SYNDIG1: variants seen among roughly 807,000 people sequenced by gnomAD.
SYNDIG1 encodes synapse differentiation inducing 1.
A neutral mutation model predicts 19.4 loss-of-function variants in SYNDIG1; 9 were observed. The ratio of observed to expected loss-of-function variants is 0.46; its 90% CI spans 0.28 to 0.81. SYNDIG1 has a LOEUF of 0.81. Among genes scored for constraint, SYNDIG1 ranks in the 30% least tolerant of loss-of-function variants. The pLI, the probability that SYNDIG1 is intolerant of heterozygous loss-of-function variation, is 0.12. For missense variants in SYNDIG1, 311 were observed against 343.3 expected (o/e 0.91, Z 0.74); for synonymous variants, 141 against 145.9 (o/e 0.97, Z 0.24).
At chr20:24,557,301 G>A (rs961516740) in intron 2 of SYNDIG1, among the ~76,000 whole-genome samples, 39 of 152,070 alleles carry the variant, frequency 2.6e-4, no homozygotes, top group Admixed American at 1.0e-3. Flanking sequence ...TTCTTCTCTC[G>A]ACTCGTCAAA....
intron 3 of SYNDIG1, among the ~76,000 whole-genome samples, chr20:24,635,297 T>A (rs1210125892): frequency 6.6e-6 from 1 of 152,184 alleles, no homozygotes; most frequent in African/African-American, 2.4e-5. Flanking sequence ...GCTAACTTTT[T>A]ATTTCTACAC....
chr20:24,641,669 G>T (rs563891185), intron 3 of SYNDIG1, among the ~76,000 whole-genome samples: 40 of 152,086 alleles, frequency 2.6e-4, no homozygotes, highest in Admixed American at 7.2e-4. Context: ...TAACATACGT[G>T]CTAGACTTGA....
intron 1 of SYNDIG1, among the ~76,000 whole-genome samples, chr20:24,481,502 A>G (rs1027456680): frequency 2.6e-5 from 4 of 152,200 alleles, no homozygotes; most frequent in Non-Finnish European, 4.4e-5. Context: ...CATGGTCAAG[A>G]CTGCACGATC....
intron 2 of SYNDIG1, among the ~76,000 whole-genome samples, chr20:24,583,365 G>T (rs2058361557): frequency 6.6e-6 from 1 of 152,208 alleles, no homozygotes; most frequent in Admixed American, 6.5e-5. Flanking sequence ...GCCATGCACT[G>T]CCAGTCATTC....
At chr20:24,508,612 GAACA>G (rs998820086) in intron 1 of SYNDIG1, among the ~76,000 whole-genome samples, 1 of 152,070 alleles carries the variant, frequency 6.6e-6, no homozygotes, top group African/African-American at 2.4e-5. Context: ...ACGTTTAAAT[GAACA>G]AACAAAAAAA....
intron 1 of SYNDIG1, among the ~76,000 whole-genome samples, chr20:24,486,947 G>A (rs912000384): frequency 6.6e-6 from 1 of 152,148 alleles, no homozygotes; most frequent in African/African-American, 2.4e-5. Flanking sequence ...GTGAGCCGCC[G>A]TGCGCAGCCG....
At chr20:24,481,359 G>C (rs1475011942) in intron 1 of SYNDIG1, among the ~76,000 whole-genome samples, 1 of 152,112 alleles carries the variant, frequency 6.6e-6, no homozygotes, top group Non-Finnish European at 1.5e-5. Flanking sequence ...TGGAGTCCTT[G>C]CCCAGGTTGG....
intron 1 of SYNDIG1, among the ~76,000 whole-genome samples, chr20:24,489,236 ACATGCACACACACAGACACACATG>A (rs1336328206): frequency 6.6e-6 from 1 of 152,176 alleles, no homozygotes; most frequent in Non-Finnish European, 1.5e-5. Flanking sequence ...ACATGTAGAT[ACATGCACACACACAGACACACATG>A]CATGCACACA....
At chr20:24,665,197 G>T in intron 3 of SYNDIG1, 149 bp from the exon 4 acceptor site, 1 of 941,052 alleles carries the variant, frequency 1.1e-6, no homozygotes, top group Non-Finnish European at 1.6e-6. Flanking sequence ...AACTGCCCTG[G>T]TCATAGCAGG....
intron 2 of SYNDIG1, among the ~76,000 whole-genome samples, chr20:24,583,255 A>G (rs898518757): frequency 2.0e-5 from 3 of 152,246 alleles, no homozygotes; most frequent in Non-Finnish European, 4.4e-5. Flanking sequence ...GCGGGCTCGC[A>G]GCCACGCAAG....
chr20:24,495,683 C>T, intron 1 of SYNDIG1: 1 of 152,208 alleles, frequency 6.6e-6, no homozygotes, highest in East Asian at 1.9e-4. Context: ...GCTAGGACTT[C>T]ACTCTCTTCA....
chr20:24,629,319 G>A (rs528744189), intron 3 of SYNDIG1, among the ~76,000 whole-genome samples: 72 of 152,282 alleles, frequency 4.7e-4, no homozygotes, highest in African/African-American at 1.7e-3. Flanking sequence ...CTGCCCTTGG[G>A]GAGACTTCCT....
intron 3 of SYNDIG1, among the ~76,000 whole-genome samples, chr20:24,644,609 T>A (rs150146610): frequency 0.018 from 2,700 of 152,342 alleles, 45 homozygotes; most frequent in Admixed American, 0.031. Flanking sequence ...GAGACCTCCA[T>A]GCTGTGGGGA....
chr20:24,609,924 C>T (rs12481146), intron 3 of SYNDIG1, among the ~76,000 whole-genome samples: 29,174 of 152,080 alleles, frequency 0.19, 3,718 homozygotes, highest in Admixed American at 0.35. Flanking sequence ...CCATTATCCT[C>T]CTTGCCACTT....
chr20:24,626,288 A>T (rs1270164673), intron 3 of SYNDIG1, among the ~76,000 whole-genome samples: 1 of 145,238 alleles, frequency 6.9e-6, no homozygotes, highest in Non-Finnish European at 1.5e-5. Context: ...ATGGGGTGGC[A>T]GCCGGGCGGA....
intron 2 of SYNDIG1, among the ~76,000 whole-genome samples, chr20:24,583,652 CA>C (rs961601604): frequency 6.6e-6 from 1 of 152,200 alleles, no homozygotes; most frequent in African/African-American, 2.4e-5. Context: ...GCACAAACAC[CA>C]AGGCAGGGCC....
At chr20:24,555,884 T>C (rs1052401577) in intron 2 of SYNDIG1, among the ~76,000 whole-genome samples, 1 of 152,214 alleles carries the variant, frequency 6.6e-6, no homozygotes, top group African/African-American at 2.4e-5. Context: ...CTCGTTGATC[T>C]GTCTAATGTT....
chr20:24,613,541 T>C (rs1306938944), intron 3 of SYNDIG1, among the ~76,000 whole-genome samples: 1 of 152,088 alleles, frequency 6.6e-6, no homozygotes, highest in African/African-American at 2.4e-5. Flanking sequence ...CCAAGCCTCC[T>C]GTGTCCCCCA....
chr20:24,585,053 G>A lies in SYNDIG1; in HGVS notation c.618+60G>A, dbSNP rs2058393640. 10 of 647,858 alleles carry A rather than the reference G, an allele frequency of 1.5e-5. 1 individual carries two copies. Among genetic ancestry groups the A allele is most frequent in the African/African-American group, 3.8e-5 (2 of 52,878 alleles). The allele number at this position is 647,858 out of a possible 1,614,324, so 40.1% of individuals were successfully genotyped here. A position where few individuals can be genotyped will look rare whatever the true frequency, so the allele number is the denominator to read the frequency against. ...AGGTGTTCACAGGGTGGGGGTGGGGGCGGCAATCCCAGCCGAGGAGGAGAA... is the reference window on the plus strand; with the variant it reads ...AGGTGTTCACAGGGTGGGGGTGGGGACGGCAATCCCAGCCGAGGAGGAGAA... On this transcript the variant is annotated intron_variant, in intron 3 of 3. Coordinates refer to ENST00000376862, the MANE Select transcript of SYNDIG1 (RefSeq NM_024893.3).
Sources: allele counts gnomAD v4.1 joint callset (sites outside exome capture counted in the v4.1 genomes callset), GRCh38; gene constraint gnomAD v4.1.1; transcripts MANE v1.5; gene names NCBI Gene and HGNC (gene_info 2026-07-23, HGNC 2026-07-21).